The following KMT2D variants were observed in gnomAD, a reference collection of about 807,000 sequenced individuals.
KMT2D encodes lysine methyltransferase 2D, also known as histone-lysine N-methyltransferase 2D.
Under a neutral mutation model 512.7 loss-of-function variants are expected in KMT2D, and 55 were observed. That is an observed-to-expected ratio of 0.11 (90% CI 0.09 to 0.13). The LOEUF (loss-of-function observed/expected upper bound fraction) is 0.13, where lower values mean the gene tolerates loss of function less well. Among genes scored for constraint, KMT2D ranks in the 10% least tolerant of loss-of-function variants. The pLI, the probability that KMT2D is intolerant of heterozygous loss-of-function variation, is 1.00. For synonymous variants in KMT2D, 2,995 were observed against 2,904.0 expected (o/e 1.03, Z -1.01); for missense variants, 6,061 against 7,127.9 (o/e 0.85, Z 5.39).
chr12:49,025,589 C>A (rs1433848114), intron 49 of KMT2D, among the ~76,000 whole-genome samples: 1 of 152,176 alleles, frequency 6.6e-6, no homozygotes, highest in East Asian at 1.9e-4. Flanking sequence ...CCTAACAATG[C>A]ATTTCTCAGA....
In KMT2D at chr12:49,040,349, G is replaced by A. The variant is rs777329379; in HGVS notation, c.7421C>T (p.Pro2474Leu). 1 of 1,566,100 alleles carries A rather than the reference G, an allele frequency of 6.4e-7. No individual in the cohort carries two copies. Among genetic ancestry groups the A allele is most frequent in the Non-Finnish European group, 8.7e-7 (1 of 1,155,850 alleles). The change falls in exon 32 of 55, where the codon CCC (proline) becomes CTC (leucine). Residue 2474 changes from proline (P) to leucine (L), a missense_variant. Coordinates refer to ENST00000301067, the MANE Select transcript of KMT2D (RefSeq NM_003482.4). ...CCCAGCCTTAAAGGCAACTTCAGGG[G>A]GCTGGGGTCGGGGTGGCTTATGCAA... ...APLHKPPRPQ[P>L]PEVAFKAGSL...
Position 49,039,661 on chromosome 12 carries a change from A to T in KMT2D, c.8047-44T>A. On this transcript the variant is annotated intron_variant, in intron 32 of 54. Coordinates refer to ENST00000301067, the MANE Select transcript of KMT2D (RefSeq NM_003482.4). This position sits in a 1 kb window ranked among gnomAD's most constrained non-coding sequence, Gnocchi z 5.0. The stretch of plus-strand genomic sequence containing the variant: ...AGAGGAATAAGCCCATTCTACTCCA[A>T]TCATAGGGCTGCCCCAGAGACAGGA... 6.2e-7 allele frequency: 1 copy of T among 1,602,742 alleles called. No homozygotes were observed.
Position 49,030,183 on chromosome 12 carries a change from G to A in KMT2D, c.13999+97C>T, listed in dbSNP as rs566586643. The A allele has an allele frequency of 1.5e-4, 163 of 1,069,172 alleles. 1 individual carries two copies. The highest frequency in any genetic ancestry group is 1.9e-4 in the Non-Finnish European group (139 of 730,360). The allele number at this position is 1,069,172 out of a possible 1,614,324, so 66.2% of individuals were successfully genotyped here. On this transcript the variant is annotated intron_variant, in intron 43 of 54. Transcript: ENST00000301067. ...CCCTGTTATGTAAACACACAGGACA[G>A]CAGGCAACCCACTAATTTCTAAACT...
At chr12:49,045,851 G>T (rs1405876249) in intron 19 of KMT2D, 69 bp downstream of exon 19, 1 of 1,266,710 alleles carries the variant, frequency 7.9e-7, no homozygotes, top group Non-Finnish European at 1.2e-6. Flanking sequence ...GAAGCTAGGG[G>T]GTTGGAGCTA....
Position 49,054,294 on chromosome 12 carries a change from G to A in KMT2D, c.510+13C>T, listed in dbSNP as rs2120706902. 1 of 1,574,216 alleles carries A rather than the reference G, an allele frequency of 6.4e-7. No individual in the cohort carries two copies. Among genetic ancestry groups the A allele is most frequent in the Non-Finnish European group, 8.6e-7 (1 of 1,159,374 alleles). Reference sequence around the variant, plus strand: ...CTGCCCTTCACCTATGCAATCCCCTGGCCCAGCCCCACCTGTGAGATCCCT... The same window carrying A: ...CTGCCCTTCACCTATGCAATCCCCTAGCCCAGCCCCACCTGTGAGATCCCT... On this transcript the variant is annotated intron_variant, in intron 5 of 54. Transcript: ENST00000301067. The surrounding 1 kb of genome is among the most constrained non-coding windows in gnomAD (Gnocchi z 6.4).
In KMT2D at chr12:49,039,094, A is replaced by G; in HGVS notation, c.8367-105T>C. ...ATAGAATTAATGCAGTGAGGGAGAAAAGGAATGAGGAAGAAGAGAAAGTGA... is the reference window on the plus strand; with the variant it reads ...ATAGAATTAATGCAGTGAGGGAGAAGAGGAATGAGGAAGAAGAGAAAGTGA... On this transcript the variant is annotated intron_variant, in intron 34 of 54. Coordinates refer to ENST00000301067, the MANE Select transcript of KMT2D (RefSeq NM_003482.4). This position sits in a 1 kb window ranked among gnomAD's most constrained non-coding sequence, Gnocchi z 5.0. The G allele has an allele frequency of 6.6e-7, 1 of 1,523,750 alleles. No individual in the cohort carries two copies. Among genetic ancestry groups the G allele is most frequent in the Non-Finnish European group, 9.1e-7 (1 of 1,104,596 alleles). 94.4% of individuals were successfully genotyped at this position (1,523,750 alleles called of 1,614,324 possible). A position where few individuals can be genotyped will look rare whatever the true frequency, so the allele number is the denominator to read the frequency against.
At position 49,021,606 on chromosome 12, in the gene KMT2D, G is replaced by C. The variant is rs1221340509; in HGVS notation, c.*174C>G. 1 of 593,984 alleles carries C rather than the reference G, an allele frequency of 1.7e-6. No homozygotes were observed. Among genetic ancestry groups the C allele is most frequent in the African/African-American group, 1.9e-5 (1 of 53,688 alleles). The allele number at this position is 593,984 out of a possible 1,614,324, so 36.8% of individuals were successfully genotyped here. ...GGAAGAGGATTGTCCCTGGTGCCCA[G>C]GGTGGGCTTGGCCTAGGGCCCTCTG... On this transcript the variant is annotated 3_prime_UTR_variant, in exon 55 of 55. Transcript: ENST00000301067.
At position 49,046,848 on chromosome 12, in the gene KMT2D, T is replaced by C. The variant is rs756763313; in HGVS notation, c.4237-58A>G. On this transcript the variant is annotated intron_variant, in intron 15 of 54. Transcript: ENST00000301067. This position sits in a 1 kb window ranked among gnomAD's most constrained non-coding sequence, Gnocchi z 4.2. ...GAGGTGGAAAAGAGGTAGAACTTCT[T>C]TTTATTTTTTTTTGGAGATGGAGTT... is the stretch of plus-strand genomic sequence containing the variant. 4.6e-5 allele frequency: 69 copies of C among 1,493,444 alleles called. No individual in the cohort carries two copies. Among genetic ancestry groups the C allele is most frequent in the Non-Finnish European group, 6.1e-5 (67 of 1,104,952 alleles). The allele number at this position is 1,493,444 out of a possible 1,614,324, so 92.5% of individuals were successfully genotyped here. A position where few individuals can be genotyped will look rare whatever the true frequency, so the allele number is the denominator to read the frequency against.
chr12:49,035,496 C>G (rs1943175992), intron 35 of KMT2D: 1 of 152,474 alleles, frequency 6.6e-6, no homozygotes, highest in Non-Finnish European at 1.5e-5. Flanking sequence ...ATCCTAAAAT[C>G]CCACACTTTG....
chr12:49,027,412 G>A lies in KMT2D; in HGVS notation c.14644-90C>T, dbSNP rs1942656539. 3 of 1,050,938 alleles carry A rather than the reference G, an allele frequency of 2.9e-6. No individual in the cohort carries two copies. In the South Asian group the frequency reaches 5.2e-5, roughly 18 times the overall value. The allele number at this position is 1,050,938 out of a possible 1,614,324, so 65.1% of individuals were successfully genotyped here. A position where few individuals can be genotyped will look rare whatever the true frequency, so the allele number is the denominator to read the frequency against. ...CACCCATATGCCACCCTCCCAAAAG[G>A]CCTCCACATTCTTTGCCCTAGACAG... On this transcript the variant is annotated intron_variant, in intron 48 of 54. Coordinates refer to ENST00000301067, the MANE Select transcript of KMT2D (RefSeq NM_003482.4).
chr12:49,022,229 G>A lies in KMT2D; in HGVS notation c.16412+51C>T, dbSNP rs1942364585. 1.1e-5 allele frequency: 18 copies of A among 1,600,358 alleles called. No homozygotes were observed. Among genetic ancestry groups the A allele is most frequent in the Non-Finnish European group, 1.5e-5 (18 of 1,168,284 alleles). On this transcript the variant is annotated intron_variant, in intron 53 of 54. Coordinates refer to ENST00000301067, the MANE Select transcript of KMT2D (RefSeq NM_003482.4). The surrounding 1 kb of genome is among the most constrained non-coding windows in gnomAD (Gnocchi z 8.6). ...TGATTCCTTGTTCGTCTATCCCCCA[G>A]AGTGCCACTCTCAGGGACCACTAAA...
chr12:49,044,604 G>A lies in KMT2D; in HGVS notation c.4964-82C>T, dbSNP rs1379561366. 7 of 1,576,370 alleles carry A rather than the reference G, an allele frequency of 4.4e-6. No homozygotes were observed. The African/African-American group carries it at 9.5e-5, about 21-fold the overall frequency. ...TTGTCATCCTGCCACTGAGAGAGCT[G>A]AATACCTTGCCTCAGAGCCACTTAG... On this transcript the variant is annotated intron_variant, in intron 20 of 54. Coordinates refer to ENST00000301067, the MANE Select transcript of KMT2D (RefSeq NM_003482.4). The surrounding 1 kb of genome is among the most constrained non-coding windows in gnomAD (Gnocchi z 6.4).
rs956042841 is a variant in KMT2D at position 49,041,635 on chromosome 12, C to G, written c.6234+20G>C. The G allele has an allele frequency of 1.2e-6, 2 of 1,613,370 alleles. No individual in the cohort carries two copies. Among genetic ancestry groups the G allele is most frequent in the Non-Finnish European group, 1.7e-6 (2 of 1,179,548 alleles). The stretch of plus-strand genomic sequence containing the variant: ...GCCACCCACTAGAGGACTGCTACAC[C>G]CCAGCCCAGCCCCACTCACCTTCTG... On this transcript the variant is annotated intron_variant, in intron 31 of 54. Coordinates refer to ENST00000301067, the MANE Select transcript of KMT2D (RefSeq NM_003482.4). The surrounding 1 kb of genome is among the most constrained non-coding windows in gnomAD (Gnocchi z 5.4).
In KMT2D at chr12:49,037,772, A is replaced by G. The variant is rs907399729; in HGVS notation, c.9584T>C (p.Leu3195Pro). The G allele has an allele frequency of 2.5e-6, 4 of 1,594,944 alleles. No homozygotes were observed. Among genetic ancestry groups the G allele is most frequent in the Non-Finnish European group, 3.4e-6 (4 of 1,170,572 alleles). Residue 3195 changes from leucine to proline, a missense_variant, in exon 35 of 55, where the codon CTG becomes CCG. By Grantham distance (98) the Leu-to-Pro change is moderately conservative (BLOSUM62 -3). Around this residue, in one of 16 missense-constraint regions of KMT2D, gnomAD observed 533 missense variants for 539.6 expected, o/e 0.99. Transcript: ENST00000301067. ...GCCACTCAGTGGGCTGGGGGTCAGC[A>G]GGTGAGCTGGTGGTCCTCCCGTGGC... ...FGATGGPPAHLLTPSPLSGPG... is the reference protein window; with the variant it reads ...FGATGGPPAHPLTPSPLSGPG...
rs752299331 is a variant in KMT2D, at chr12:49,040,743, G to T, written c.7027C>A (p.Pro2343Thr). 1 of 1,613,536 alleles carries T rather than the reference G, an allele frequency of 6.2e-7. No homozygotes were observed. The highest frequency in any genetic ancestry group is 1.1e-5 in the South Asian group (1 of 91,080). The change falls in exon 32 of 55, where the codon CCG (proline) becomes ACG (threonine). Residue 2343 changes from proline to threonine, a missense_variant. Coordinates refer to ENST00000301067, the MANE Select transcript of KMT2D (RefSeq NM_003482.4). ...TCCTGGGGCCTTAGGCCCAAGCCCG[G>T]GCTCTGGGGCTCTACCTGAGATGCC... Reference protein sequence around the residue: ...PRASQVEPQSPGLGLRPQEPP... With the variant: ...PRASQVEPQSTGLGLRPQEPP...
rs766425746 is a variant in KMT2D, at chr12:49,029,494, A to G, written c.14000-18T>C. ...TGAAGTATCTGAGGGGTGGGTAGGG[A>G]GAAGAAAAGTCAGGTGAGGGTGGCC... On this transcript the variant is annotated intron_variant, in intron 43 of 54. Coordinates refer to ENST00000301067, the MANE Select transcript of KMT2D (RefSeq NM_003482.4). 3 of 1,549,678 alleles carry G rather than the reference A, an allele frequency of 1.9e-6. No homozygotes were observed. The South Asian group carries it at 3.6e-5, about 18-fold the overall frequency.
In KMT2D at chr12:49,037,616, A is replaced by G. The variant is rs1307958701; in HGVS notation, c.9740T>C (p.Leu3247Pro). The stretch of plus-strand genomic sequence containing the variant: ...ATGCTCCAACAGGTCCTCAATGAGC[A>G]GGGGTAACTCGCTGGCTACCAGTGA... ...ESSLVASELPLLIEDLLEHEK... is the reference protein window; with the variant it reads ...ESSLVASELPPLIEDLLEHEK... The change falls in exon 35 of 55, where the codon CTG (leucine) becomes CCG (proline). Residue 3247 changes from leucine (L) to proline (P), a missense_variant. Coordinates refer to ENST00000301067, the MANE Select transcript of KMT2D (RefSeq NM_003482.4). 2 of 1,561,878 alleles carry G rather than the reference A, an allele frequency of 1.3e-6. No homozygotes were observed. The highest frequency in any genetic ancestry group is 1.7e-6 in the Non-Finnish European group (2 of 1,152,906).
chr12:49,037,844 C>T lies in KMT2D; in HGVS notation c.9512G>A (p.Gly3171Glu), dbSNP rs780140476. ...MGSRDTRMGT[G>E]PFSSSGHTAE... ...TGTGTGCCCACTGCTAGAAAATGGC[C>T]CTGTGCCCATCCGGGTATCCCGGCT... Residue 3171 changes from glycine to glutamate, a missense_variant, in exon 35 of 55, where the codon GGG becomes GAG. Gly to Glu is a moderately conservative substitution (Grantham distance 98). This residue lies in a region of KMT2D where 533 missense variants were observed against 539.6 expected (regional missense o/e 0.99). Transcript: ENST00000301067. 1 of 1,596,618 alleles carries T rather than the reference C, an allele frequency of 6.3e-7. No homozygotes were observed. The highest frequency in any genetic ancestry group is 1.1e-5 in the South Asian group (1 of 88,260).
In KMT2D at chr12:49,031,722, G is replaced by C. The variant is rs1295060981; in HGVS notation, c.12983C>G (p.Ser4328Cys). The change falls in exon 40 of 55, where the codon TCC (serine) becomes TGC (cysteine). Residue 4328 changes from serine (S) to cysteine (C), a missense_variant. Ser to Cys is a moderately radical substitution (Grantham distance 112, BLOSUM62 -1). Transcript: ENST00000301067. ...KRPSQLPSPS[S>C]QLPTEAQLPP... ...GAGCTGGGCCTCAGTGGGAAGCTGGGAGCTGGGGGAAGGTAATTGTGAAGG... is the reference window on the plus strand; with the variant it reads ...GAGCTGGGCCTCAGTGGGAAGCTGGCAGCTGGGGGAAGGTAATTGTGAAGG... The C allele has an allele frequency of 1.2e-6, 2 of 1,613,224 alleles. No homozygotes were observed. Among genetic ancestry groups the C allele is most frequent in the South Asian group, 2.2e-5 (2 of 90,900 alleles).
Sources: allele counts gnomAD v4.1 joint callset (sites outside exome capture counted in the v4.1 genomes callset), GRCh38; gene constraint gnomAD v4.1.1; regional missense constraint gnomAD v4.1.1; non-coding constraint Gnocchi (gnomAD v3.1); transcripts MANE v1.5; gene names NCBI Gene and HGNC (gene_info 2026-07-23, HGNC 2026-07-21).